The following PTK2B variants were observed in gnomAD, a reference collection of about 807,000 sequenced individuals.
PTK2B encodes the protein protein-tyrosine kinase 2-beta.
PTK2B carries 71 observed loss-of-function variants against 142.9 expected under a neutral mutation model. That is an observed-to-expected ratio of 0.50 (90% CI 0.41 to 0.61). The LOEUF (loss-of-function observed/expected upper bound fraction) is 0.61. Ranked by LOEUF, PTK2B falls within the 20% of genes least tolerant of loss-of-function variation. The pLI, the probability that PTK2B is intolerant of heterozygous loss-of-function variation, is 0.00. For missense variants in PTK2B, 1,105 were observed against 1,320.4 expected (o/e 0.84, Z 2.53); for synonymous variants, 519 against 503.4 (o/e 1.03, Z -0.42).
At chr8:27,421,656 A>G (rs997962416) in intron 4 of PTK2B, among the ~76,000 whole-genome samples, 1 of 152,192 alleles carries the variant, frequency 6.6e-6, no homozygotes, top group Non-Finnish European at 1.5e-5. Context: ...GGCCCTTGCC[A>G]ATTTCTATGG....
At position 27,368,574 on chromosome 8, in the gene PTK2B, A is replaced by C. The variant is rs1458875035; in HGVS notation, c.-37-28974A>C. Among the ~76,000 whole-genome samples the C allele has an allele frequency of 2.6e-5, 4 of 152,228 alleles. No individual in the cohort carries two copies. The East Asian group carries it at 7.7e-4, about 29-fold the overall frequency. On this transcript the variant is annotated intron_variant, in intron 1 of 30. Transcript: ENST00000346049. ...GGAAACAAGGCTTCCTGCCTGATTAACTTCACCTGGTGTGATTTTGCTCCT... is the reference window on the plus strand; with the variant it reads ...GGAAACAAGGCTTCCTGCCTGATTACCTTCACCTGGTGTGATTTTGCTCCT...
At chr8:27,452,090 C>G (rs1811853788) in intron 27 of PTK2B, 1 of 152,812 alleles carries the variant, frequency 6.5e-6, no homozygotes, top group African/African-American at 2.4e-5. Context: ...TTATTATCTT[C>G]TGAGGCACAG....
chr8:27,446,813 A>G (rs547976133), intron 24 of PTK2B, among the ~76,000 whole-genome samples: 3 of 152,354 alleles, frequency 2.0e-5, no homozygotes, highest in Admixed American at 1.3e-4. Context: ...CTTTCATGCC[A>G]TTATGCTTAA....
At chr8:27,332,172 G>C (rs1047634026) in intron 1 of PTK2B, among the ~76,000 whole-genome samples, 1 of 152,242 alleles carries the variant, frequency 6.6e-6, no homozygotes, top group Non-Finnish European at 1.5e-5. Flanking sequence ...GCCCGGGCAA[G>C]AGGAAAGAGA....
At chr8:27,310,961 C>G (rs974827238), upstream of PTK2B, 4 of 1,612,420 alleles carry the variant, frequency 2.5e-6, no homozygotes, top group African/African-American at 4.0e-5. Context: ...GTAGCTGGTC[C>G]AGCGCGCGCC....
chr8:27,350,051 C>T (rs987669934), intron 1 of PTK2B, among the ~76,000 whole-genome samples: 1 of 152,218 alleles, frequency 6.6e-6, no homozygotes. Flanking sequence ...ATGTATATAA[C>T]TCTGTTCTTT....
chr8:27,454,711 T>C, intron 30 of PTK2B, 100 bp downstream of exon 30: 1 of 1,252,800 alleles, frequency 8.0e-7, no homozygotes, highest in Non-Finnish European at 1.1e-6. Context: ...ACCTCATGTC[T>C]GTCCACTGAG....
chr8:27,393,632 A>G (rs1037209454), intron 1 of PTK2B, among the ~76,000 whole-genome samples: 6 of 152,210 alleles, frequency 3.9e-5, no homozygotes, highest in African/African-American at 1.4e-4. Flanking sequence ...TGGGAGGACA[A>G]CTATCAGGGT....
At chr8:27,347,048 C>T (rs1300105244) in intron 1 of PTK2B, among the ~76,000 whole-genome samples, 1 of 152,142 alleles carries the variant, frequency 6.6e-6, no homozygotes, top group Admixed American at 6.6e-5. Context: ...TCTGGCTCTC[C>T]ACTTCTGGAT....
At chr8:27,451,728 A>T (rs1811832120) in intron 27 of PTK2B, 4 of 1,409,898 alleles carry the variant, frequency 2.8e-6, no homozygotes, top group African/African-American at 1.5e-5. Context: ...TCTCTCTCTC[A>T]GTGGCCACAT....
intron 27 of PTK2B, chr8:27,451,768 C>T: frequency 1.5e-6 from 2 of 1,344,184 alleles, no homozygotes; most frequent in Middle Eastern, 2.6e-4. Context: ...TCATCCCCCT[C>T]CTGCATTAGT....
intron 1 of PTK2B, among the ~76,000 whole-genome samples, chr8:27,364,088 G>A (rs568907316): frequency 2.6e-5 from 4 of 152,318 alleles, no homozygotes; most frequent in South Asian, 2.1e-4. Context: ...CTGCATCAGC[G>A]TCCCGTTTTA....
At chr8:27,440,184 G>A (rs1054752643) in intron 20 of PTK2B, 53 bp from the exon 21 acceptor site, 39 of 1,562,238 alleles carry the variant, frequency 2.5e-5, no homozygotes, top group Non-Finnish European at 3.3e-5. Context: ...GTGCTTCTGG[G>A]TGGGAGGGAC....
intron 1 of PTK2B, among the ~76,000 whole-genome samples, chr8:27,328,683 A>G (rs1199652038): frequency 6.6e-6 from 1 of 152,206 alleles, no homozygotes; most frequent in East Asian, 1.9e-4. Context: ...GAATATTTGC[A>G]AGATCAAGGT....
intron 1 of PTK2B, among the ~76,000 whole-genome samples, chr8:27,372,600 AG>A (rs1431508738): frequency 3.3e-5 from 5 of 152,210 alleles, no homozygotes; most frequent in African/African-American, 1.2e-4. Context: ...AGACTCACCC[AG>A]AATAATGTTC....
intron 1 of PTK2B, among the ~76,000 whole-genome samples, chr8:27,369,183 A>G (rs1806191792): frequency 1.3e-5 from 2 of 152,048 alleles, no homozygotes; most frequent in African/African-American, 4.8e-5. Context: ...CCCTCTTCTT[A>G]AAGGCCTTGC....
intron 1 of PTK2B, among the ~76,000 whole-genome samples, chr8:27,386,782 C>T (rs543735954): frequency 4.6e-4 from 70 of 151,704 alleles, no homozygotes; most frequent in African/African-American, 1.6e-3. Context: ...TTGTTCAAGA[C>T]AATGGTTTTG....
At chr8:27,322,510 A>G (rs1470517767), upstream of PTK2B, 1 of 152,230 alleles carries the variant, frequency 6.6e-6, no homozygotes, top group East Asian at 1.9e-4. Context: ...GTATGTATGT[A>G]CTATCTCCCC....
At chr8:27,408,057 C>T (rs930607656) in intron 2 of PTK2B, among the ~76,000 whole-genome samples, 5 of 152,148 alleles carry the variant, frequency 3.3e-5, no homozygotes, top group African/African-American at 1.2e-4. Flanking sequence ...AACAATATCC[C>T]CAAATGAAGG....
Sources: gnomAD v4.1 joint callset for allele counts (sites outside exome capture counted in the v4.1 genomes callset) on GRCh38, gnomAD v4.1.1 for gene constraint, MANE v1.5 for transcripts, NCBI Gene and HGNC (gene_info 2026-07-23, HGNC 2026-07-21) for gene names.